KLHL2: variants seen among roughly 807,000 people sequenced by gnomAD.
KLHL2 encodes kelch-like protein 2.
Under a neutral mutation model 75.8 loss-of-function variants are expected in KLHL2, and 15 were observed. The observed-to-expected ratio is 0.20, with a 90% confidence interval of 0.13 to 0.30. The LOEUF (loss-of-function observed/expected upper bound fraction) is 0.30, where lower values mean the gene tolerates loss of function less well. Among genes scored for constraint, KLHL2 ranks in the 10% least tolerant of loss-of-function variants. The pLI is 1.00. For synonymous variants in KLHL2, 214 were observed against 251.9 expected (o/e 0.85, Z 1.42); for missense variants, 381 against 741.0 (o/e 0.51, Z 5.64).
At chr4:165,245,522 C>A (rs191167497) in intron 4 of KLHL2, among the ~76,000 whole-genome samples, 2 of 152,078 alleles carry the variant, frequency 1.3e-5, no homozygotes, top group Non-Finnish European at 2.9e-5. Context: ...TCTGCATTCC[C>A]GTAGGAAGCT....
intron 5 of KLHL2, among the ~76,000 whole-genome samples, chr4:165,284,792 A>G (rs1236818810): frequency 6.6e-6 from 1 of 152,198 alleles, no homozygotes; most frequent in Non-Finnish European, 1.5e-5. Context: ...GGCAATTTAC[A>G]AAAGAAAGGT....
At chr4:165,249,670 T>C (rs1386429331) in intron 4 of KLHL2, among the ~76,000 whole-genome samples, 1 of 152,230 alleles carries the variant, frequency 6.6e-6, no homozygotes, top group Non-Finnish European at 1.5e-5. Context: ...TGTCTTTTTC[T>C]GTCCCCAAGC....
chr4:165,241,839 AG>A (rs1244858889), intron 4 of KLHL2, among the ~76,000 whole-genome samples: 2 of 152,174 alleles, frequency 1.3e-5, no homozygotes, highest in African/African-American at 4.8e-5. Flanking sequence ...TTTGAAGTGA[AG>A]GTTGTTAACT....
chr4:165,256,150 T>A (rs1741146118), intron 4 of KLHL2, among the ~76,000 whole-genome samples: 1 of 152,096 alleles, frequency 6.6e-6, no homozygotes, highest in South Asian at 2.1e-4. Context: ...ATGCTAATTG[T>A]TTGGCTTGGG....
intron 3 of KLHL2, among the ~76,000 whole-genome samples, chr4:165,230,816 T>C (rs185773938): frequency 6.6e-6 from 1 of 152,392 alleles, no homozygotes; most frequent in East Asian, 1.9e-4. Context: ...AGTTTCCCTC[T>C]TCTGTTTTTG....
chr4:165,263,825 T>C (rs1384830691), intron 5 of KLHL2, among the ~76,000 whole-genome samples: 2 of 136,296 alleles, frequency 1.5e-5, no homozygotes, highest in Non-Finnish European at 3.1e-5. Flanking sequence ...TTTTTTTTTT[T>C]TTTTGCATCC....
chr4:165,246,397 A>G (rs1740263568), intron 4 of KLHL2, among the ~76,000 whole-genome samples: 1 of 151,950 alleles, frequency 6.6e-6, no homozygotes, highest in Admixed American at 6.6e-5. Context: ...CATGCTTTAG[A>G]CAGTTTGTTC....
intron 5 of KLHL2, among the ~76,000 whole-genome samples, chr4:165,265,091 C>T (rs937574094): frequency 6.6e-5 from 10 of 151,946 alleles, no homozygotes; most frequent in Non-Finnish European, 1.2e-4. Context: ...GGTGGTATCT[C>T]GCTGAGGTTT....
At position 165,245,682 on chromosome 4, in the gene KLHL2, G is replaced by A. The variant is rs543705399; in HGVS notation, c.381+6783G>A. Among the ~76,000 whole-genome samples the A allele has an allele frequency of 8.6e-4, 131 of 152,234 alleles. 1 individual carries two copies. The highest frequency in any genetic ancestry group is 2.7e-3 in the African/African-American group (114 of 41,526). On this transcript the variant is annotated intron_variant, in intron 4 of 14. Coordinates refer to ENST00000226725, the MANE Select transcript of KLHL2 (RefSeq NM_007246.4). The stretch of plus-strand genomic sequence containing the variant: ...TAAACACTGATATGGTGCCCAATAA[G>A]CTTTGTGGTATTGGTCAGGATTAGT...
chr4:165,253,541 G>A (rs1282375178), intron 4 of KLHL2, among the ~76,000 whole-genome samples: 2 of 152,188 alleles, frequency 1.3e-5, no homozygotes, highest in Non-Finnish European at 2.9e-5. Flanking sequence ...GTACTTGATT[G>A]TTTTTCCCCT....
rs894970078 is a variant in KLHL2 at position 165,209,900 on chromosome 4, C to T, written c.26+1998C>T. ...TCTGTGGATCAGAAATAGTTTTTTT[C>T]CTTGCCACCCCTTGGCCTGTTTGCC... On this transcript the variant is annotated intron_variant, in intron 1 of 14. Transcript: ENST00000226725. The T allele has an allele frequency of 1.2e-5, 9 of 772,596 alleles. No individual in the cohort carries two copies. The East Asian group carries it at 2.5e-4, about 22-fold the overall frequency. The allele number at this position is 772,596 out of a possible 1,614,324, so 47.9% of individuals were successfully genotyped here.
chr4:165,212,909 G>A (rs1020267793), intron 1 of KLHL2, among the ~76,000 whole-genome samples: 3 of 152,164 alleles, frequency 2.0e-5, no homozygotes, highest in African/African-American at 7.2e-5. Flanking sequence ...ATCTTAAGTC[G>A]GGGCTCTAGG....
At chr4:165,277,682 A>C (rs954368508) in intron 5 of KLHL2, 6 of 513,136 alleles carry the variant, frequency 1.2e-5, no homozygotes, top group Admixed American at 3.2e-5. Context: ...ATGGAGCAGG[A>C]TGTTATGGCA....
At chr4:165,216,369 T>C (rs1481397380) in intron 1 of KLHL2, among the ~76,000 whole-genome samples, 2 of 152,190 alleles carry the variant, frequency 1.3e-5, no homozygotes, top group East Asian at 1.9e-4. Context: ...TTTTAGAGTA[T>C]GTGTTGATAA....
At chr4:165,263,582 A>G (rs1741879242) in intron 5 of KLHL2, among the ~76,000 whole-genome samples, 1 of 151,710 alleles carries the variant, frequency 6.6e-6, no homozygotes, top group Admixed American at 6.6e-5. Context: ...GAATAATAGA[A>G]TAGCTAGGAA....
At chr4:165,225,846 A>G (rs1359959743) in intron 2 of KLHL2, among the ~76,000 whole-genome samples, 1 of 152,246 alleles carries the variant, frequency 6.6e-6, no homozygotes, top group African/African-American at 2.4e-5. Flanking sequence ...CTTAATTTGT[A>G]AAGTGTCTCT....
At chr4:165,248,724 T>C (rs961323449) in intron 4 of KLHL2, among the ~76,000 whole-genome samples, 1 of 152,118 alleles carries the variant, frequency 6.6e-6, no homozygotes, top group Non-Finnish European at 1.5e-5. Flanking sequence ...CAGAAGAAAA[T>C]AGCAGATCCT....
intron 3 of KLHL2, among the ~76,000 whole-genome samples, chr4:165,232,681 AC>A (rs1738995733): frequency 6.6e-6 from 1 of 152,092 alleles, no homozygotes; most frequent in Non-Finnish European, 1.5e-5. Context: ...CAGAGGTTGC[AC>A]TGAGCTGAGA....
chr4:165,320,046 C>T (rs1746851910), intron 14 of KLHL2, among the ~76,000 whole-genome samples: 1 of 152,136 alleles, frequency 6.6e-6, no homozygotes, highest in Non-Finnish European at 1.5e-5. Context: ...AACAGGAGAA[C>T]ACTTCTGTCA....
Sources: allele counts gnomAD v4.1 joint callset (sites outside exome capture counted in the v4.1 genomes callset), GRCh38; gene constraint gnomAD v4.1.1; transcripts MANE v1.5; gene names NCBI Gene and HGNC (gene_info 2026-07-23, HGNC 2026-07-21).